EYS: variants seen among roughly 807,000 people sequenced by gnomAD.
EYS encodes the protein protein eyes shut homolog.
In EYS, 250 loss-of-function variants were observed where a neutral mutation model predicts 282.1. The observed-to-expected ratio is 0.89, with a 90% confidence interval of 0.80 to 0.98. EYS has a LOEUF of 0.98. EYS is among the 50% of genes least tolerant of loss of function. EYS has a pLI of 0.00. For synonymous variants in EYS, 1,355 were observed against 1,282.9 expected, an observed-to-expected ratio of 1.06 and a Z score of -1.20; for missense variants, 4,016 against 3,709.0, an observed-to-expected ratio of 1.08 and a Z score of -2.15.
At chr6:65,353,340 T>G in intron 9 of EYS, 118 bp downstream of exon 9, 1 of 849,294 alleles carries the variant, frequency 1.2e-6, no homozygotes, top group Non-Finnish European at 1.9e-6. Context: ...TAATTTTATT[T>G]TTAGTTTATA....
intron 7 of EYS, among the ~76,000 whole-genome samples, chr6:65,401,972 C>T (rs1265123509): frequency 1.3e-5 from 2 of 151,822 alleles, no homozygotes; most frequent in African/African-American, 4.8e-5. Context: ...TGGGTCACTT[C>T]TGCCATTTAT....
In EYS at chr6:64,722,814, T is replaced by C. The variant is rs115418945; in HGVS notation, c.3443+90564A>G. Among the ~76,000 whole-genome samples the C allele has an allele frequency of 5.7e-3, 872 of 152,268 alleles. 8 individuals are homozygous for C. Among genetic ancestry groups the C allele is most frequent in the African/African-American group, 0.02 (831 of 41,564 alleles). ...CTATTTAAACAAATCTAAAAAGTGA[T>C]AGATTCTTTAGAACATGAATAAGTT... is the stretch of plus-strand genomic sequence containing the variant. On this transcript the variant is annotated intron_variant, in intron 22 of 42. Transcript: ENST00000503581.
intron 1 of EYS, among the ~76,000 whole-genome samples, chr6:65,669,461 T>C (rs1768311424): frequency 6.6e-6 from 1 of 151,984 alleles, no homozygotes; most frequent in Non-Finnish European, 1.5e-5. Flanking sequence ...CCTCCAGAAA[T>C]ATTAGGTATA....
chr6:64,507,260 G>A (rs1367457156), intron 26 of EYS, among the ~76,000 whole-genome samples: 2 of 152,042 alleles, frequency 1.3e-5, no homozygotes, highest in African/African-American at 4.8e-5. Context: ...GGACATGGAT[G>A]AAGCTGGAAA....
intron 16 of EYS, 55 bp from the exon 17 acceptor site, chr6:64,902,555 A>T (rs907843852): frequency 9.6e-7 from 1 of 1,040,450 alleles, no homozygotes; most frequent in South Asian, 1.7e-5. Flanking sequence ...AGAGTAAAAA[A>T]ATCAGAATCA....
In EYS at chr6:64,789,884, G is replaced by GATATATAT. The variant is rs56097288; in HGVS notation, c.3443+23486_3443+23493dup. On this transcript the variant is annotated intron_variant, in intron 22 of 42. Coordinates refer to ENST00000503581, the MANE Select transcript of EYS (RefSeq NM_001142800.2). ...AAGCGATGGGATTCTAAAGTTGTAT[G>GATATATAT]ATATATATATATATATATAAATGTC... 7.5e-3 allele frequency among the ~76,000 whole-genome samples: 1,112 copies of GATATATAT among 148,748 alleles called. 11 individuals are homozygous for GATATATAT. The highest frequency in any genetic ancestry group is 0.025 in the African/African-American group (1,015 of 40,392).
chr6:64,806,321 C>A (rs953327259), intron 22 of EYS, among the ~76,000 whole-genome samples: 23 of 151,852 alleles, frequency 1.5e-4, no homozygotes, highest in African/African-American at 5.3e-4. Context: ...CTGTAACCAT[C>A]ATAAGTTACC....
intron 26 of EYS, among the ~76,000 whole-genome samples, chr6:64,525,936 T>C (rs1462500710): frequency 6.6e-6 from 1 of 151,826 alleles, no homozygotes; most frequent in Non-Finnish European, 1.5e-5. Flanking sequence ...ATGGTAGTTT[T>C]ATTTGTAATA....
At chr6:65,643,363 A>G (rs1767343118) in intron 1 of EYS, among the ~76,000 whole-genome samples, 1 of 152,126 alleles carries the variant, frequency 6.6e-6, no homozygotes, top group Non-Finnish European at 1.5e-5. Context: ...CCCATTCCAC[A>G]CAGCAGCTGC....
chr6:64,275,813 A>AT (rs35844463), intron 30 of EYS, among the ~76,000 whole-genome samples: 107,608 of 150,404 alleles, frequency 0.72, 38,703 homozygotes, highest in African/African-American at 0.79. Flanking sequence ...ATAAAATAAA[A>AT]AAATAGCTGG....
At chr6:64,501,638 C>T (rs1056312067) in intron 26 of EYS, among the ~76,000 whole-genome samples, 3 of 151,970 alleles carry the variant, frequency 2.0e-5, no homozygotes, top group Non-Finnish European at 4.4e-5. Flanking sequence ...AGCTGCTACT[C>T]GGAAATACCC....
At chr6:65,262,855 C>T (rs1767654722) in intron 12 of EYS, among the ~76,000 whole-genome samples, 1 of 151,994 alleles carries the variant, frequency 6.6e-6, no homozygotes, top group South Asian at 2.1e-4. Flanking sequence ...TTGGTGGACT[C>T]TATTCAGTAA....
intron 12 of EYS, among the ~76,000 whole-genome samples, chr6:65,165,564 C>T (rs1335703782): frequency 6.6e-6 from 1 of 151,076 alleles, no homozygotes; most frequent in African/African-American, 2.4e-5. Context: ...TATTCATTAA[C>T]AGTTCACTTT....
intron 12 of EYS, among the ~76,000 whole-genome samples, chr6:65,195,966 C>T (rs1471907937): frequency 6.6e-6 from 1 of 151,966 alleles, no homozygotes; most frequent in Non-Finnish European, 1.5e-5. Flanking sequence ...CAGTCATCCA[C>T]CTAGCATGAA....
intron 35 of EYS, among the ~76,000 whole-genome samples, chr6:63,899,649 C>T (rs1011301384): frequency 6.6e-6 from 1 of 152,160 alleles, no homozygotes; most frequent in Non-Finnish European, 1.5e-5. Context: ...TTCAGGCTGC[C>T]TCTTCTGGAA....
intron 8 of EYS, among the ~76,000 whole-genome samples, chr6:65,364,084 C>T (rs1764817419): frequency 6.7e-6 from 1 of 148,854 alleles, no homozygotes; most frequent in African/African-American, 2.4e-5. Flanking sequence ...ATTTGTTTTT[C>T]CAAATAAACT....
intron 12 of EYS, among the ~76,000 whole-genome samples, chr6:65,290,130 T>C (rs1768482798): frequency 6.6e-6 from 1 of 151,144 alleles, no homozygotes; most frequent in Non-Finnish European, 1.5e-5. Flanking sequence ...AACTTGTTAT[T>C]ATTAAACAAC....
chr6:65,546,638 C>T (rs1255552203), intron 2 of EYS, among the ~76,000 whole-genome samples: 4 of 151,704 alleles, frequency 2.6e-5, no homozygotes, highest in Non-Finnish European at 5.9e-5. Flanking sequence ...CTGTCAAGAT[C>T]TTGGCTCACT....
chr6:65,425,552 TC>T (rs1235430165), intron 5 of EYS, among the ~76,000 whole-genome samples: 1 of 152,122 alleles, frequency 6.6e-6, no homozygotes, highest in Non-Finnish European at 1.5e-5. Flanking sequence ...AAGATTAACT[TC>T]AATAATATCT....
Sources: gnomAD v4.1 joint callset for allele counts (sites outside exome capture counted in the v4.1 genomes callset) on GRCh38, gnomAD v4.1.1 for gene constraint, MANE v1.5 for transcripts, NCBI Gene and HGNC (gene_info 2026-07-23, HGNC 2026-07-21) for gene names.